The following TRAPPC9 variants were observed in gnomAD, a reference collection of about 807,000 sequenced individuals.
The protein encoded by TRAPPC9 is trafficking protein particle complex subunit 9, also known as IKK2 binding protein.
A neutral mutation model predicts 124.0 loss-of-function variants in TRAPPC9; 83 were observed. That is an observed-to-expected ratio of 0.67 (90% CI 0.56 to 0.80). The LOEUF (loss-of-function observed/expected upper bound fraction) is 0.80. Among genes scored for constraint, TRAPPC9 ranks in the 30% least tolerant of loss-of-function variants. TRAPPC9 has a pLI of 0.00. For synonymous variants in TRAPPC9, 638 were observed against 617.5 expected (o/e 1.03, Z -0.49); for missense variants, 1,302 against 1,508.3 (o/e 0.86, Z 2.27).
At chr8:140,253,023 G>C (rs1293140261) in intron 15 of TRAPPC9, 94 bp from the exon 16 acceptor site, 2 of 1,276,002 alleles carry the variant, frequency 1.6e-6, no homozygotes, top group South Asian at 1.2e-5. Flanking sequence ...ATTCTCAAAA[G>C]CCAAGGAAAA....
At chr8:139,875,223 T>G (rs1829244238) in intron 21 of TRAPPC9, among the ~76,000 whole-genome samples, 1 of 152,076 alleles carries the variant, frequency 6.6e-6, no homozygotes, top group Admixed American at 6.5e-5. Flanking sequence ...AGGCCCTGCA[T>G]CCAGGCTGCC....
At chr8:139,745,899 G>A (rs1234639579) in intron 21 of TRAPPC9, among the ~76,000 whole-genome samples, 4 of 152,264 alleles carry the variant, frequency 2.6e-5, no homozygotes, top group South Asian at 2.1e-4. Context: ...TGCCCATGGC[G>A]AGCACGCTGG....
At chr8:140,267,057 T>C (rs112132142) in intron 15 of TRAPPC9, among the ~76,000 whole-genome samples, 1,544 of 150,512 alleles carry the variant, frequency 0.01, 22 homozygotes, top group African/African-American at 0.036. Flanking sequence ...ATAGTAAGAA[T>C]TAAAATAAGT....
chr8:139,809,552 A>G (rs1361982238), intron 21 of TRAPPC9, among the ~76,000 whole-genome samples: 5 of 152,182 alleles, frequency 3.3e-5, no homozygotes, highest in African/African-American at 1.2e-4. Context: ...TCTGTCCCAC[A>G]GCAGGGCCTT....
At chr8:139,998,578 T>C (rs1838190375) in intron 18 of TRAPPC9, among the ~76,000 whole-genome samples, 1 of 151,962 alleles carries the variant, frequency 6.6e-6, no homozygotes, top group South Asian at 2.1e-4. Flanking sequence ...CAAAATTAGC[T>C]GGGCGTGCTG....
chr8:140,016,314 C>T (rs1170950872), intron 18 of TRAPPC9, among the ~76,000 whole-genome samples: 1 of 152,154 alleles, frequency 6.6e-6, no homozygotes, highest in Non-Finnish European at 1.5e-5. Context: ...ATTTTCTCTT[C>T]CCTTTAGGGC....
intron 21 of TRAPPC9, among the ~76,000 whole-genome samples, chr8:139,770,951 G>A (rs1340946148): frequency 6.6e-6 from 1 of 152,166 alleles, no homozygotes; most frequent in African/African-American, 2.4e-5. Context: ...GGGCTTCTGG[G>A]ACCCTCCCGC....
chr8:140,299,438 G>A (rs2065903189), intron 11 of TRAPPC9, among the ~76,000 whole-genome samples: 1 of 152,226 alleles, frequency 6.6e-6, no homozygotes, highest in Non-Finnish European at 1.5e-5. Flanking sequence ...TAAATTGGAG[G>A]TACAGGAATT....
chr8:140,287,340 C>T (rs2065516476), intron 13 of TRAPPC9, among the ~76,000 whole-genome samples: 1 of 151,962 alleles, frequency 6.6e-6, no homozygotes, highest in South Asian at 2.1e-4. Flanking sequence ...AAGGAAGGCT[C>T]ACTGGAGGAA....
chr8:140,202,450 T>C (rs764610747), intron 17 of TRAPPC9, among the ~76,000 whole-genome samples: 10 of 152,218 alleles, frequency 6.6e-5, no homozygotes, highest in Non-Finnish European at 7.3e-5. Flanking sequence ...TTTCTGTTTT[T>C]ACCCAGGCAC....
chr8:139,905,483 G>T (rs1197376736), intron 20 of TRAPPC9, among the ~76,000 whole-genome samples: 1 of 152,168 alleles, frequency 6.6e-6, no homozygotes, highest in East Asian at 1.9e-4. Flanking sequence ...CAGGAGCAGG[G>T]ACTCGCCCCG....
chr8:140,238,846 GGAGA>G (rs1225419255), intron 16 of TRAPPC9, among the ~76,000 whole-genome samples: 1 of 152,198 alleles, frequency 6.6e-6, no homozygotes, highest in Non-Finnish European at 1.5e-5. Context: ...AGCCTGGAAT[GGAGA>G]GAGAGGCCCC....
At position 139,927,955 on chromosome 8, in the gene TRAPPC9, A is replaced by G. The variant is rs1403271066; in HGVS notation, c.2811-17655T>C. 4.6e-5 allele frequency among the ~76,000 whole-genome samples: 7 copies of G among 152,252 alleles called. No homozygotes were observed. In the East Asian group the frequency reaches 1.3e-3, roughly 29 times the overall value. On this transcript the variant is annotated intron_variant, in intron 19 of 22. Coordinates refer to ENST00000438773, the MANE Select transcript of TRAPPC9 (RefSeq NM_001160372.4). ...CAGGGGTTGCTGTGGGACAGACTGC[A>G]AAAGGGCACAAAGAACTTTTGGGGG...
At chr8:139,782,241 G>A (rs528360541) in intron 21 of TRAPPC9, among the ~76,000 whole-genome samples, 4 of 152,186 alleles carry the variant, frequency 2.6e-5, no homozygotes, top group East Asian at 1.9e-4. Flanking sequence ...TTAGCCAGGC[G>A]TGGTGGCATG....
At chr8:139,888,450 G>A (rs1174111289) in intron 20 of TRAPPC9, among the ~76,000 whole-genome samples, 1 of 152,174 alleles carries the variant, frequency 6.6e-6, no homozygotes, top group Non-Finnish European at 1.5e-5. Context: ...CCCCTGGCCT[G>A]TGGGTAGCAT....
chr8:139,748,964 T>C (rs895757515), intron 21 of TRAPPC9, among the ~76,000 whole-genome samples: 4 of 152,114 alleles, frequency 2.6e-5, no homozygotes, highest in African/African-American at 9.7e-5. Context: ...ACTCCTGGTG[T>C]GTGCAGCAGG....
intron 17 of TRAPPC9, among the ~76,000 whole-genome samples, chr8:140,157,814 C>A (rs972310226): frequency 6.6e-6 from 1 of 152,004 alleles, no homozygotes; most frequent in Non-Finnish European, 1.5e-5. Flanking sequence ...ACAGAAATAA[C>A]CCTTGTTAAC....
intron 9 of TRAPPC9, among the ~76,000 whole-genome samples, chr8:140,324,689 G>A (rs2066692390): frequency 6.6e-6 from 1 of 152,088 alleles, no homozygotes; most frequent in African/African-American, 2.4e-5. Context: ...AAAATCACTT[G>A]AGCCCAGGAA....
intron 17 of TRAPPC9, among the ~76,000 whole-genome samples, chr8:140,187,706 G>A (rs920016543): frequency 2.4e-4 from 37 of 151,958 alleles, no homozygotes; most frequent in African/African-American, 7.7e-4. Flanking sequence ...ACAGGGTCTC[G>A]CTCTGTCACC....
Sources: gnomAD v4.1 joint callset for allele counts (sites outside exome capture counted in the v4.1 genomes callset) on GRCh38, gnomAD v4.1.1 for gene constraint, MANE v1.5 for transcripts, NCBI Gene and HGNC (gene_info 2026-07-23, HGNC 2026-07-21) for gene names.